PAMR1: variants seen among roughly 807,000 people sequenced by gnomAD.
PAMR1 encodes peptidase domain containing associated with muscle regeneration 1.
Under a neutral mutation model 81.8 loss-of-function variants are expected in PAMR1, and 88 were observed. The ratio of observed to expected loss-of-function variants is 1.08; its 90% CI spans 0.91 to 1.28. The LOEUF is 1.28. PAMR1 is among the 50% of genes most tolerant of loss of function. The pLI is 0.00. For synonymous variants in PAMR1, 336 were observed against 345.3 expected, an observed-to-expected ratio of 0.97 and a Z score of 0.30; for missense variants, 935 against 919.7, an observed-to-expected ratio of 1.02 and a Z score of -0.21.
chr11:35,508,981 C>T (rs1170160402), intron 1 of PAMR1, among the ~76,000 whole-genome samples: 1 of 152,134 alleles, frequency 6.6e-6, no homozygotes, highest in Non-Finnish European at 1.5e-5. Context: ...CATGTCTTTG[C>T]TATTATGAAT....
chr11:35,449,454 G>A (rs1856366165), intron 6 of PAMR1, among the ~76,000 whole-genome samples: 1 of 152,228 alleles, frequency 6.6e-6, no homozygotes, highest in Non-Finnish European at 1.5e-5. Flanking sequence ...CACCCAGTGA[G>A]GAGGGATGGA....
chr11:35,438,175 C>T (rs1246612281), intron 8 of PAMR1, among the ~76,000 whole-genome samples: 1 of 152,218 alleles, frequency 6.6e-6, no homozygotes, highest in Non-Finnish European at 1.5e-5. Flanking sequence ...GAATTTACAT[C>T]CTGGCTTTGC....
intron 1 of PAMR1, among the ~76,000 whole-genome samples, chr11:35,513,726 A>G (rs1016628809): frequency 6.6e-6 from 1 of 152,168 alleles, no homozygotes; most frequent in Admixed American, 6.5e-5. Flanking sequence ...CATTTACAAC[A>G]CACTCCCCAG....
At chr11:35,495,666 C>A (rs1850715428) in intron 1 of PAMR1, among the ~76,000 whole-genome samples, 1 of 152,142 alleles carries the variant, frequency 6.6e-6, no homozygotes, top group East Asian at 1.9e-4. Flanking sequence ...GCTTCGTAGG[C>A]CCGCATAAAT....
At chr11:35,456,924 T>G (rs1856546105) in intron 6 of PAMR1, among the ~76,000 whole-genome samples, 1 of 152,224 alleles carries the variant, frequency 6.6e-6, no homozygotes, top group South Asian at 2.1e-4. Flanking sequence ...ATCTAACTTT[T>G]TTTTAAAATC....
At position 35,473,496 on chromosome 11, in the gene PAMR1, C is replaced by G. The variant is rs116537027; in HGVS notation, c.494+1134G>C. On this transcript the variant is annotated intron_variant, in intron 4 of 10. Transcript: ENST00000619888. ...TCATCCCTGCAGACCCAGCCTTGAG[C>G]TCAATGGGCGGAACAGTGTGGTTCA... 4.9e-3 allele frequency among the ~76,000 whole-genome samples: 741 copies of G among 152,286 alleles called. 6 individuals carry two copies. Among genetic ancestry groups the G allele is most frequent in the African/African-American group, 0.017 (711 of 41,546 alleles).
rs751017185 is a variant in PAMR1 at position 35,468,020 on chromosome 11, A to C, written c.801T>G (p.Thr267=). 1.9e-6 allele frequency: 3 copies of C among 1,560,764 alleles called. No homozygotes were observed. The highest frequency in any genetic ancestry group is 1.7e-6 in the Non-Finnish European group (2 of 1,150,544). Residue 267 remains threonine (T), a synonymous_variant, in exon 6 of 11, where the codon ACT becomes ACG. Coordinates refer to ENST00000619888, the MANE Select transcript of PAMR1 (RefSeq NM_001001991.3). ...ACTCACGATTTTCACAGCGCTGCCC[A>C]GTATAGCCTGCCAAGCAGGCACACT... ...SYKCACLAGY[T]GQRCENLLEE...
chr11:35,505,197 C>T (rs1057501808), intron 1 of PAMR1, among the ~76,000 whole-genome samples: 34 of 152,064 alleles, frequency 2.2e-4, no homozygotes, highest in Admixed American at 1.0e-3. Context: ...TAGTTTTATT[C>T]CACTATGGTC....
intron 3 of PAMR1, among the ~76,000 whole-genome samples, chr11:35,476,074 T>G (rs1351364688): frequency 6.6e-6 from 1 of 152,238 alleles, no homozygotes; most frequent in African/African-American, 2.4e-5. Context: ...ACTCCACTTT[T>G]GACAAAGCTA....
intron 3 of PAMR1, among the ~76,000 whole-genome samples, chr11:35,483,343 C>G (rs1850437340): frequency 6.6e-6 from 1 of 152,206 alleles, no homozygotes; most frequent in African/African-American, 2.4e-5. Flanking sequence ...GACTTTGAGA[C>G]CACAAGCTTA....
intron 6 of PAMR1, among the ~76,000 whole-genome samples, chr11:35,446,689 G>A (rs1424178660): frequency 1.3e-5 from 2 of 152,148 alleles, no homozygotes; most frequent in East Asian, 3.9e-4. Context: ...ATTGTGCTGT[G>A]GTCTGGGAGA....
chr11:35,514,945 C>A (rs969242480), intron 1 of PAMR1, among the ~76,000 whole-genome samples: 7 of 152,212 alleles, frequency 4.6e-5, no homozygotes, highest in Non-Finnish European at 8.8e-5. Flanking sequence ...GTCAAGACTG[C>A]AGCAAACCAT....
rs921274590 is a variant in PAMR1, at chr11:35,432,263, C to A, written c.*93G>T. On this transcript the variant is annotated 3_prime_UTR_variant, in exon 11 of 11. Coordinates refer to ENST00000619888, the MANE Select transcript of PAMR1 (RefSeq NM_001001991.3). ...GCCCTGGCACAGCCAAGTTCACAGG[C>A]CAAATCACACTTCAGGCCCACACTG... 7 of 1,265,316 alleles carry A rather than the reference C, an allele frequency of 5.5e-6. No individual in the cohort carries two copies. Among genetic ancestry groups the A allele is most frequent in the Non-Finnish European group, 7.7e-6 (7 of 903,662 alleles). 78.4% of individuals were successfully genotyped at this position (1,265,316 alleles called of 1,614,324 possible).
At chr11:35,453,215 G>A (rs1856455752) in intron 6 of PAMR1, 1 of 152,158 alleles carries the variant, frequency 6.6e-6, no homozygotes, top group African/African-American at 2.4e-5. Context: ...GCACCCAACT[G>A]CCTTTAAATG....
chr11:35,498,595 A>C (rs1160426650), intron 1 of PAMR1, among the ~76,000 whole-genome samples: 1 of 152,244 alleles, frequency 6.6e-6, no homozygotes, highest in Non-Finnish European at 1.5e-5. Flanking sequence ...TTTCTTGCTT[A>C]AAATGGTCAC....
rs762321464 is a variant in PAMR1 at position 35,492,094 on chromosome 11, C to A, written c.330G>T (p.Gly110=). 6.2e-7 allele frequency: 1 copy of A among 1,613,988 alleles called. No homozygotes were observed. The highest frequency in any genetic ancestry group is 1.3e-5 in the African/African-American group (1 of 74,908). The change falls in exon 3 of 11, where the codon GGG becomes GGT. Residue 110 remains glycine (G), a synonymous_variant. Transcript: ENST00000619888. ...GGTLDDFYVK[G]FYCAECRAGW... is the part of the protein sequence containing the mutation. ...CTGCTCGGCACTCTGCACAGTAGAA[C>A]CCCTTCACATAGAAGTCATCCAAGG...
rs374511956 is a variant in PAMR1 at position 35,470,591 on chromosome 11, T to C, written c.712+10A>G. 159 of 1,608,764 alleles carry C rather than the reference T, an allele frequency of 9.9e-5. No homozygotes were observed. The highest frequency in any genetic ancestry group is 1.3e-4 in the Non-Finnish European group (156 of 1,175,232). On this transcript the variant is annotated intron_variant, in intron 5 of 10. Coordinates refer to ENST00000619888, the MANE Select transcript of PAMR1 (RefSeq NM_001001991.3). Reference sequence around the variant, plus strand: ...CCATAAAATGCCACATTTGTCTCCTTGGCCTTTACCTGTGATCTCCTCATA... The same window carrying C: ...CCATAAAATGCCACATTTGTCTCCTCGGCCTTTACCTGTGATCTCCTCATA...
At position 35,434,553 on chromosome 11, in the gene PAMR1, G is replaced by C; in HGVS notation, c.1585C>G (p.Arg529Gly). The change falls in exon 10 of 11, where the codon CGG (arginine) becomes GGG (glycine). Residue 529 changes from arginine to glycine, a missense_variant. Arg to Gly is a moderately radical substitution (Grantham distance 125). Transcript: ENST00000619888. ...GTCTTCTCATCCCGGTCATCATCCC[G>C]GTAGAATTTCCCCAAAACAACTTTC... ...DLKVVLGKFY[R>G]DDDRDEKTIQ... 1.2e-6 allele frequency: 2 copies of C among 1,613,882 alleles called. No homozygotes were observed. The highest frequency in any genetic ancestry group is 2.2e-5 in the South Asian group (2 of 91,054).
intron 1 of PAMR1, among the ~76,000 whole-genome samples, chr11:35,502,141 C>G (rs1052490707): frequency 6.6e-6 from 1 of 152,018 alleles, no homozygotes; most frequent in Non-Finnish European, 1.5e-5. Flanking sequence ...TATCTCATGG[C>G]GGTTTTCATT....
Sources: gnomAD v4.1 joint callset for allele counts (sites outside exome capture counted in the v4.1 genomes callset) on GRCh38, gnomAD v4.1.1 for gene constraint, MANE v1.5 for transcripts, NCBI Gene and HGNC (gene_info 2026-07-23, HGNC 2026-07-21) for gene names.